CNTNAP2: variants seen among roughly 807,000 people sequenced by gnomAD.
CNTNAP2 encodes the protein contactin associated protein 2.
Under a neutral mutation model 155.2 loss-of-function variants are expected in CNTNAP2, and 98 were observed. The ratio of observed to expected loss-of-function variants is 0.63; its 90% CI spans 0.54 to 0.75. The LOEUF (loss-of-function observed/expected upper bound fraction) is 0.75. Among genes scored for constraint, CNTNAP2 ranks in the 30% least tolerant of loss-of-function variants. CNTNAP2 has a pLI of 0.00. For synonymous variants in CNTNAP2, 651 were observed against 631.2 expected (o/e 1.03, Z -0.47); for missense variants, 1,727 against 1,688.1 (o/e 1.02, Z -0.40).
Position 147,378,944 on chromosome 7 carries a change from G to C in CNTNAP2, c.1499-16665G>C, listed in dbSNP as rs188468253. 5.5e-3 allele frequency among the ~76,000 whole-genome samples: 836 copies of C among 152,056 alleles called. 12 individuals are homozygous for C. Among genetic ancestry groups the C allele is most frequent in the African/African-American group, 0.019 (807 of 41,498 alleles). On this transcript the variant is annotated intron_variant, in intron 9 of 23. Transcript: ENST00000361727. ...CATAATCCCTACATGTCGTGGGAGG[G>C]ACCCAGTGAGAGATAATTGAATCAT...
At chr7:147,765,976 A>C (rs1797376709) in intron 13 of CNTNAP2, among the ~76,000 whole-genome samples, 1 of 152,214 alleles carries the variant, frequency 6.6e-6, no homozygotes, top group South Asian at 2.1e-4. Flanking sequence ...AACTCAATGT[A>C]GTTGACACTA....
intron 1 of CNTNAP2, among the ~76,000 whole-genome samples, chr7:146,353,065 T>TGC (rs1464396158): frequency 2.0e-5 from 3 of 152,172 alleles, no homozygotes; most frequent in Non-Finnish European, 2.9e-5. Context: ...GGGGATGTCT[T>TGC]ATTTCTCTGC....
intron 11 of CNTNAP2, among the ~76,000 whole-genome samples, chr7:147,498,032 T>A (rs1382878379): frequency 6.6e-6 from 1 of 152,076 alleles, no homozygotes; most frequent in Non-Finnish European, 1.5e-5. Context: ...AGGAGAGAAG[T>A]ACTGGGATTG....
chr7:148,219,319 C>T lies in CNTNAP2; in HGVS notation c.3247+1795C>T, dbSNP rs117796554. On this transcript the variant is annotated intron_variant, in intron 19 of 23. Transcript: ENST00000361727. ...TCTCTAACTCACTTCCCATTGGAGC[C>T]GAAAATATGGAGACTCTCTCTCCCA... Among the ~76,000 whole-genome samples, 685 of 152,216 alleles carry T rather than the reference C, an allele frequency of 4.5e-3. 20 individuals are homozygous for T. In the East Asian group the frequency reaches 0.084, roughly 19 times the overall value.
At chr7:146,264,596 G>A (rs1799966056) in intron 1 of CNTNAP2, among the ~76,000 whole-genome samples, 1 of 152,148 alleles carries the variant, frequency 6.6e-6, no homozygotes, top group Non-Finnish European at 1.5e-5. Flanking sequence ...TCCAAACGTT[G>A]ACAATGAAAA....
At chr7:147,768,409 C>T (rs1797415878) in intron 13 of CNTNAP2, among the ~76,000 whole-genome samples, 1 of 151,968 alleles carries the variant, frequency 6.6e-6, no homozygotes, top group African/African-American at 2.4e-5. Context: ...CTATTCATGT[C>T]CTATATGTAA....
intron 9 of CNTNAP2, among the ~76,000 whole-genome samples, chr7:147,376,404 G>T (rs1027120912): frequency 3.3e-5 from 5 of 151,896 alleles, no homozygotes; most frequent in Non-Finnish European, 7.4e-5. Context: ...ATCAGGGAAG[G>T]TTTCATCGAG....
intron 1 of CNTNAP2, among the ~76,000 whole-genome samples, chr7:146,203,731 A>T (rs1377394193): frequency 2.0e-4 from 30 of 152,036 alleles, no homozygotes. Context: ...TAATAGCCCC[A>T]TCCTGAAGCT....
intron 14 of CNTNAP2, among the ~76,000 whole-genome samples, chr7:147,955,464 G>A (rs1484197109): frequency 6.6e-6 from 1 of 152,116 alleles, no homozygotes; most frequent in African/African-American, 2.4e-5. Context: ...ACCCATGAGT[G>A]AATGAGAGTG....
intron 3 of CNTNAP2, among the ~76,000 whole-genome samples, chr7:147,042,233 A>G (rs899261006): frequency 2.0e-5 from 3 of 152,218 alleles, no homozygotes; most frequent in Admixed American, 2.0e-4. Flanking sequence ...AACCAAGAAG[A>G]GCACAGCAGG....
intron 14 of CNTNAP2, among the ~76,000 whole-genome samples, chr7:147,932,466 G>T (rs930432806): frequency 1.3e-5 from 2 of 152,130 alleles, no homozygotes; most frequent in Non-Finnish European, 2.9e-5. Flanking sequence ...GGGAGAGGAT[G>T]ATTTCTTCAA....
At chr7:147,198,416 G>C (rs1218617833) in intron 8 of CNTNAP2, among the ~76,000 whole-genome samples, 1 of 152,030 alleles carries the variant, frequency 6.6e-6, no homozygotes, top group Non-Finnish European at 1.5e-5. Flanking sequence ...ATTTTTAGTA[G>C]AGACAGGGTT....
chr7:147,752,952 G>C (rs1797160741), intron 13 of CNTNAP2, among the ~76,000 whole-genome samples: 1 of 152,174 alleles, frequency 6.6e-6, no homozygotes, highest in African/African-American at 2.4e-5. Context: ...GTATCCTGCT[G>C]TCCAGTTTTG....
intron 9 of CNTNAP2, among the ~76,000 whole-genome samples, chr7:147,364,493 TAATA>T (rs142153612): frequency 0.039 from 5,943 of 152,280 alleles, 160 homozygotes; most frequent in Non-Finnish European, 0.062. Flanking sequence ...TACATTTACA[TAATA>T]AATCATGAAA....
At chr7:147,113,331 C>T (rs1283110982) in intron 5 of CNTNAP2, among the ~76,000 whole-genome samples, 2 of 151,836 alleles carry the variant, frequency 1.3e-5, no homozygotes, top group Admixed American at 6.6e-5. Flanking sequence ...AATCGTCTCT[C>T]TTTTCTTCTT....
intron 13 of CNTNAP2, among the ~76,000 whole-genome samples, chr7:147,826,035 T>C (rs1798444566): frequency 1.3e-5 from 2 of 152,080 alleles, no homozygotes; most frequent in Admixed American, 6.6e-5. Context: ...GGGTAGTAAT[T>C]TACATCAGGC....
intron 1 of CNTNAP2, among the ~76,000 whole-genome samples, chr7:146,126,394 G>C (rs1315960147): frequency 6.6e-6 from 1 of 152,140 alleles, no homozygotes; most frequent in African/African-American, 2.4e-5. Context: ...AATAAAGAGA[G>C]GAATGCAGCT....
chr7:147,364,339 CTT>C (rs763183749), intron 9 of CNTNAP2, among the ~76,000 whole-genome samples: 48 of 152,180 alleles, frequency 3.2e-4, no homozygotes, highest in Non-Finnish European at 5.7e-4. Context: ...ATATGTGTAA[CTT>C]TAAGTATTTG....
Position 148,267,145 on chromosome 7 carries a change from A to C in CNTNAP2, c.3475+19A>C, listed in dbSNP as rs749665763. On this transcript the variant is annotated intron_variant, in intron 21 of 23. Coordinates refer to ENST00000361727, the MANE Select transcript of CNTNAP2 (RefSeq NM_014141.6). ...GTTATAGGTAAGAATGTGGTTCGTT[A>C]GGTATAAATGCGTGCTACAAATACA... is the stretch of plus-strand genomic sequence containing the variant. 2 of 1,586,572 alleles carry C rather than the reference A, an allele frequency of 1.3e-6. No individual in the cohort carries two copies. The highest frequency in any genetic ancestry group is 1.7e-6 in the Non-Finnish European group (2 of 1,155,244).
Sources: gnomAD v4.1 joint callset for allele counts (sites outside exome capture counted in the v4.1 genomes callset) on GRCh38, gnomAD v4.1.1 for gene constraint, MANE v1.5 for transcripts, NCBI Gene and HGNC (gene_info 2026-07-23, HGNC 2026-07-21) for gene names.